Variants in BACH2 observed in about 807,000 individuals in gnomAD.
BACH2 encodes transcription regulator protein BACH2.
Under a neutral mutation model 61.8 loss-of-function variants are expected in BACH2, and 5 were observed. That is an observed-to-expected ratio of 0.08 (90% CI 0.04 to 0.17). The LOEUF (loss-of-function observed/expected upper bound fraction) is 0.17, where lower values mean the gene tolerates loss of function less well. Among genes scored for constraint, BACH2 ranks in the 10% least tolerant of loss-of-function variants. The pLI is 1.00. For synonymous variants in BACH2, 446 were observed against 440.1 expected (o/e 1.01, Z -0.17); for missense variants, 824 against 1,091.1 (o/e 0.76, Z 3.45).
rs747070206 is a variant in BACH2, at chr6:89,932,445, C to T, written c.2489G>A (p.Cys830Tyr). 1 of 1,614,150 alleles carries T rather than the reference C, an allele frequency of 6.2e-7. No individual in the cohort carries two copies. Among genetic ancestry groups the T allele is most frequent in the Non-Finnish European group, 8.5e-7 (1 of 1,180,018 alleles). The change falls in exon 9 of 9, where the codon TGT becomes TAT. Residue 830 changes from cysteine to tyrosine, a missense_variant. Physicochemically the swap from Cys to Tyr is radical, Grantham distance 194. Transcript: ENST00000257749. ...VDFCQEMTDK[C>Y]TTDEQPRKDY... ...TTTCCTGGGCTGTTCGTCAGTTGTACACTTATCAGTCATTTCCTGGCAGAA... is the reference window on the plus strand; with the variant it reads ...TTTCCTGGGCTGTTCGTCAGTTGTATACTTATCAGTCATTTCCTGGCAGAA...
chr6:90,187,546 A>G (rs1768403721), intron 4 of BACH2, among the ~76,000 whole-genome samples: 1 of 152,180 alleles, frequency 6.6e-6, no homozygotes. Context: ...GGTCACCAGG[A>G]GCGCAGGCTC....
intron 6 of BACH2, among the ~76,000 whole-genome samples, chr6:89,980,731 GAGTCTTTTCTGA>G (rs1775905078): frequency 1.3e-5 from 2 of 152,198 alleles, no homozygotes; most frequent in African/African-American, 4.8e-5. Context: ...GGAAGGTGTT[GAGTCTTTTCTGA>G]AGTCCATACA....
At chr6:90,251,062 C>T (rs1770791702) in intron 3 of BACH2, among the ~76,000 whole-genome samples, 1 of 151,996 alleles carries the variant, frequency 6.6e-6, no homozygotes, top group African/African-American at 2.4e-5. Flanking sequence ...TAACTCCATA[C>T]AAAAAGTTTC....
At chr6:90,263,063 C>T (rs1408637531) in intron 2 of BACH2, among the ~76,000 whole-genome samples, 1 of 152,142 alleles carries the variant, frequency 6.6e-6, no homozygotes, top group Non-Finnish European at 1.5e-5. Context: ...AAAAAATCTC[C>T]ATGGCCACTG....
chr6:89,958,552 C>G (rs1182949871), intron 6 of BACH2, among the ~76,000 whole-genome samples: 1 of 152,184 alleles, frequency 6.6e-6, no homozygotes, highest in African/African-American at 2.4e-5. Flanking sequence ...GCTGTTGCTA[C>G]AAATATGAAT....
At position 89,947,429 on chromosome 6, in the gene BACH2, T is replaced by C. The variant is rs540207640; in HGVS notation, c.1836+2841A>G. On this transcript the variant is annotated intron_variant, in intron 7 of 8. Transcript: ENST00000257749. ...ACTCTAGGAAAACTAAGATGTCAAA[T>C]TGGGAAAAACCTTAACTTTACTGTA... Among the ~76,000 whole-genome samples, 452 of 152,306 alleles carry C rather than the reference T, an allele frequency of 3.0e-3. 2 individuals carry two copies. Among genetic ancestry groups the C allele is most frequent in the African/African-American group, 0.011 (441 of 41,564 alleles).
chr6:90,010,239 T>C (rs1393498535), intron 5 of BACH2, among the ~76,000 whole-genome samples: 4 of 152,228 alleles, frequency 2.6e-5, no homozygotes, highest in African/African-American at 4.8e-5. Context: ...AAGGCCCTTG[T>C]AATAATTTTT....
chr6:89,932,324 G>C lies in BACH2; in HGVS notation c.*84C>G, dbSNP rs1772702141. 1.3e-6 allele frequency: 2 copies of C among 1,521,730 alleles called. No homozygotes were observed. Among genetic ancestry groups the C allele is most frequent in the Non-Finnish European group, 1.8e-6 (2 of 1,121,684 alleles). 94.3% of individuals were successfully genotyped at this position (1,521,730 alleles called of 1,614,324 possible). ...ACCAAATGTGTTCTCGGTTTCTTCG[G>C]GACAGCAGATGAACAGTGCCACAGG... On this transcript the variant is annotated 3_prime_UTR_variant, in exon 9 of 9. Transcript: ENST00000257749.
chr6:90,044,866 G>A (rs947956815), intron 5 of BACH2, among the ~76,000 whole-genome samples: 3 of 152,198 alleles, frequency 2.0e-5, no homozygotes, highest in African/African-American at 7.2e-5. Flanking sequence ...GATGAGGGCA[G>A]AACAAGTGTT....
rs1772412734 is a variant in BACH2, at chr6:90,296,712, G to C, written c.-678C>G. The C allele has an allele frequency of 6.5e-6, 1 of 154,422 alleles. No individual in the cohort carries two copies. Among genetic ancestry groups the C allele is most frequent in the East Asian group, 1.9e-4 (1 of 5,242 alleles). 9.6% of individuals were successfully genotyped at this position (154,422 alleles called of 1,614,324 possible). ...GCGAGAGCGGGGCGGCGGCGGGAGT[G>C]GGCAGGCGGGGTGGCGAGGGCGGCG... On this transcript the variant is annotated 5_prime_UTR_variant, in exon 1 of 9. Coordinates refer to ENST00000257749, the MANE Select transcript of BACH2 (RefSeq NM_021813.4).
chr6:90,105,913 T>C (rs1297430181), intron 4 of BACH2, among the ~76,000 whole-genome samples: 4 of 152,208 alleles, frequency 2.6e-5, no homozygotes, highest in Admixed American at 6.5e-5. Flanking sequence ...AACTACAGAT[T>C]GCACCAACAG....
chr6:90,146,547 G>A lies in BACH2; in HGVS notation c.-161-57438C>T, dbSNP rs540897170. Among the ~76,000 whole-genome samples, 46 of 152,328 alleles carry A rather than the reference G, an allele frequency of 3.0e-4. No homozygotes were observed. In the Middle Eastern group the frequency reaches 0.01, roughly 34 times the overall value. The stretch of plus-strand genomic sequence containing the variant: ...TGTAACTACTCCATGACCCATAACT[G>A]ATGGTCAACTCTTCCAAGACCTTGT... On this transcript the variant is annotated intron_variant, in intron 4 of 8. Coordinates refer to ENST00000257749, the MANE Select transcript of BACH2 (RefSeq NM_021813.4).
chr6:90,278,795 G>C (rs1398781216), intron 1 of BACH2, among the ~76,000 whole-genome samples: 1 of 152,112 alleles, frequency 6.6e-6, no homozygotes, highest in African/African-American at 2.4e-5. Flanking sequence ...TCTTTTCTCT[G>C]AGAGCTCTCA....
intron 5 of BACH2, among the ~76,000 whole-genome samples, chr6:90,019,080 G>A (rs999721626): frequency 6.6e-6 from 1 of 152,074 alleles, no homozygotes; most frequent in South Asian, 2.1e-4. Flanking sequence ...CTACCACACT[G>A]AGTCTCCTCA....
intron 5 of BACH2, among the ~76,000 whole-genome samples, chr6:90,069,002 T>C (rs892795310): frequency 6.6e-6 from 1 of 152,198 alleles, no homozygotes; most frequent in African/African-American, 2.4e-5. Context: ...TTATTTTGCC[T>C]TCCTTCCTTC....
In BACH2 at chr6:89,932,694, G is replaced by A. The variant is rs140270440; in HGVS notation, c.2240C>T (p.Ala747Val). Residue 747 changes from alanine to valine, a missense_variant, in exon 9 of 9, where the codon GCG (alanine) becomes GTG (valine). Physicochemically the swap from Ala to Val is moderately conservative, Grantham distance 64. Around this residue, in one of 8 missense-constraint regions of BACH2, gnomAD observed 135 missense variants for 142.7 expected, o/e 0.95. Transcript: ENST00000257749. ...DLPTASSINP[A>V]PLGAEQNIAA... ...AATGTTCTGCTCAGCACCCAAGGGC[G>A]CAGGGTTAATACTGGAGGCCGTGGG... 4.0e-5 allele frequency: 65 copies of A among 1,614,052 alleles called. No individual in the cohort carries two copies. Among genetic ancestry groups the A allele is most frequent in the African/African-American group, 1.7e-4 (13 of 74,912 alleles).
intron 3 of BACH2, among the ~76,000 whole-genome samples, chr6:90,226,430 T>C (rs777250950): frequency 3.9e-5 from 6 of 152,290 alleles, no homozygotes; most frequent in Non-Finnish European, 5.9e-5. Flanking sequence ...TAGTGTTTGA[T>C]TTCCATGGTG....
At chr6:90,061,302 A>G (rs1235792677) in intron 5 of BACH2, among the ~76,000 whole-genome samples, 1 of 152,130 alleles carries the variant, frequency 6.6e-6, no homozygotes, top group Non-Finnish European at 1.5e-5. Context: ...GGAGCTTTTG[A>G]TAGTTTGGAT....
intron 3 of BACH2, among the ~76,000 whole-genome samples, chr6:90,229,748 A>G (rs1770034157): frequency 6.6e-6 from 1 of 152,242 alleles, no homozygotes; most frequent in South Asian, 2.1e-4. Flanking sequence ...CAGTCTTTAA[A>G]CAGCCCTAAA....
Sources: allele counts gnomAD v4.1 joint callset (sites outside exome capture counted in the v4.1 genomes callset), GRCh38; gene constraint gnomAD v4.1.1; regional missense constraint gnomAD v4.1.1; transcripts MANE v1.5; gene names NCBI Gene and HGNC (gene_info 2026-07-23, HGNC 2026-07-21).